Variants in CNGB3 observed in about 807,000 individuals in gnomAD.
CNGB3 encodes cyclic nucleotide gated channel subunit beta 3.
In CNGB3, 86 loss-of-function variants were observed where a neutral mutation model predicts 92.8. That is an observed-to-expected ratio of 0.93 (90% CI 0.78 to 1.11). The LOEUF is 1.11. CNGB3 is among the 50% of genes least tolerant of loss of function. The pLI is 0.00. For synonymous variants in CNGB3, 333 were observed against 332.7 expected (o/e 1.00, Z -0.01); for missense variants, 1,026 against 956.8 (o/e 1.07, Z -0.95).
intron 1 of CNGB3, among the ~76,000 whole-genome samples, chr8:86,741,403 C>T (rs963141916): frequency 3.3e-5 from 5 of 152,116 alleles, no homozygotes; most frequent in East Asian, 3.9e-4. Context: ...GTGGCTCATG[C>T]GTGTAATCCC....
chr8:86,622,479 T>C (rs1349910452), intron 13 of CNGB3, among the ~76,000 whole-genome samples: 2 of 152,078 alleles, frequency 1.3e-5, no homozygotes, highest in African/African-American at 4.8e-5. Flanking sequence ...TACACTTATG[T>C]ACCTTCCCCG....
intron 15 of CNGB3, among the ~76,000 whole-genome samples, chr8:86,597,249 G>T (rs1364757325): frequency 1.3e-5 from 2 of 152,122 alleles, no homozygotes; most frequent in South Asian, 4.2e-4. Context: ...AGAGTGAAAG[G>T]TAACTGTGCA....
chr8:86,610,020 T>C (rs1364278012), intron 14 of CNGB3, among the ~76,000 whole-genome samples: 1 of 151,642 alleles, frequency 6.6e-6, no homozygotes, highest in African/African-American at 2.4e-5. Flanking sequence ...GAATTATGTA[T>C]TGACTTAATT....
chr8:86,709,646 T>A lies in CNGB3; in HGVS notation c.338+16885A>T, dbSNP rs183224181. Among the ~76,000 whole-genome samples the A allele has an allele frequency of 6.4e-3, 978 of 152,216 alleles. 5 individuals are homozygous for A. The highest frequency in any genetic ancestry group is 0.02 in the Middle Eastern group (6 of 294). ...GACATTTAAGTTCTCAGTTTTATGT[T>A]TTACCGCATTGTACAACAAACTGTC... On this transcript the variant is annotated intron_variant, in intron 3 of 17. Transcript: ENST00000320005.
chr8:86,611,132 A>G (rs527757161), intron 14 of CNGB3, among the ~76,000 whole-genome samples: 2 of 152,316 alleles, frequency 1.3e-5, no homozygotes, highest in African/African-American at 4.8e-5. Context: ...TTTTAAAATA[A>G]TGAACATGCA....
chr8:86,589,382 T>G (rs1043043130), intron 15 of CNGB3, among the ~76,000 whole-genome samples: 2,610 of 149,958 alleles, frequency 0.017, 76 homozygotes, highest in African/African-American at 0.061. Context: ...TTCTGCTAGC[T>G]TTTGAATGTG....
chr8:86,700,096 A>T (rs550918817), intron 3 of CNGB3, among the ~76,000 whole-genome samples: 1 of 152,168 alleles, frequency 6.6e-6, no homozygotes, highest in South Asian at 2.1e-4. Context: ...ACTTCAAAGA[A>T]ACGAGACCTA....
chr8:86,649,579 G>A (rs1209616394), intron 7 of CNGB3, among the ~76,000 whole-genome samples: 3 of 151,586 alleles, frequency 2.0e-5, no homozygotes, highest in Admixed American at 1.3e-4. Flanking sequence ...ATGGTGCTGG[G>A]AAAACTGGCA....
intron 3 of CNGB3, among the ~76,000 whole-genome samples, chr8:86,677,843 T>C (rs1336920690): frequency 1.3e-5 from 2 of 152,232 alleles, no homozygotes; most frequent in African/African-American, 2.4e-5. Flanking sequence ...TCTCCCCATT[T>C]GTCTTAACAA....
At chr8:86,604,977 A>T (rs900297353) in intron 14 of CNGB3, among the ~76,000 whole-genome samples, 7 of 152,158 alleles carry the variant, frequency 4.6e-5, no homozygotes, top group African/African-American at 1.7e-4. Flanking sequence ...TCATGCAGCT[A>T]TATGCGCCAT....
intron 8 of CNGB3, among the ~76,000 whole-genome samples, chr8:86,645,003 T>C (rs1823270201): frequency 6.6e-6 from 1 of 151,212 alleles, no homozygotes; most frequent in Admixed American, 6.6e-5. Context: ...GAACTCTGTT[T>C]CCCAACAATT....
intron 3 of CNGB3, among the ~76,000 whole-genome samples, chr8:86,692,661 G>A (rs945875554): frequency 7.2e-5 from 11 of 152,102 alleles, no homozygotes; most frequent in Non-Finnish European, 1.5e-4. Context: ...ACACTTGGTT[G>A]GTGGATTTTT....
At chr8:86,641,339 A>G (rs1188495498) in intron 10 of CNGB3, among the ~76,000 whole-genome samples, 3 of 152,048 alleles carry the variant, frequency 2.0e-5, no homozygotes, top group Non-Finnish European at 2.9e-5. Context: ...AGTCCATGCC[A>G]CTGCTCTGCC....
intron 7 of CNGB3, among the ~76,000 whole-genome samples, chr8:86,648,547 T>C (rs990646474): frequency 6.6e-6 from 1 of 151,232 alleles, no homozygotes; most frequent in East Asian, 1.9e-4. Context: ...TTTCAAAAAT[T>C]GTCATGTATT....
chr8:86,736,832 G>GA lies in CNGB3; in HGVS notation c.211+2822dup, dbSNP rs1471615966. 2.0e-5 allele frequency among the ~76,000 whole-genome samples: 3 copies of GA among 151,806 alleles called. No individual in the cohort carries two copies. In the East Asian group the frequency reaches 5.8e-4, roughly 29 times the overall value. The stretch of plus-strand genomic sequence containing the variant: ...CTATTTATGGAAGTTTTATATATGT[G>GA]AGTTTGGATCAGATAGAGTTTTAGG... On this transcript the variant is annotated intron_variant, in intron 2 of 17. Transcript: ENST00000320005.
chr8:86,702,901 T>C (rs1824580991), intron 3 of CNGB3, among the ~76,000 whole-genome samples: 1 of 152,058 alleles, frequency 6.6e-6, no homozygotes. Flanking sequence ...TGAAGTCTAA[T>C]TATTCATATT....
chr8:86,646,765 A>G (rs1443514528), intron 8 of CNGB3, among the ~76,000 whole-genome samples: 1 of 151,158 alleles, frequency 6.6e-6, no homozygotes, highest in Non-Finnish European at 1.5e-5. Context: ...TATTGTTGCT[A>G]TTGTTAAAGA....
At chr8:86,593,486 A>G (rs1585955440) in intron 15 of CNGB3, among the ~76,000 whole-genome samples, 2 of 152,318 alleles carry the variant, frequency 1.3e-5, no homozygotes, top group East Asian at 3.9e-4. Flanking sequence ...TTTTTTTTAA[A>G]AGTAAATCCC....
At chr8:86,726,793 C>T in intron 2 of CNGB3, 136 bp from the exon 3 acceptor site, 2 of 973,718 alleles carry the variant, frequency 2.1e-6, no homozygotes, top group South Asian at 2.7e-5. Context: ...GGGACTTCTG[C>T]TAAACAAAGT....
Sources: gnomAD v4.1 joint callset for allele counts (sites outside exome capture counted in the v4.1 genomes callset) on GRCh38, gnomAD v4.1.1 for gene constraint, MANE v1.5 for transcripts, NCBI Gene and HGNC (gene_info 2026-07-23, HGNC 2026-07-21) for gene names.